Variants in DLGAP2 observed in about 807,000 individuals in gnomAD.
The protein encoded by DLGAP2 is DLG associated protein 2.
Under a neutral mutation model 100.3 loss-of-function variants are expected in DLGAP2, and 26 were observed. The observed-to-expected ratio is 0.26, with a 90% confidence interval of 0.19 to 0.36. The LOEUF (loss-of-function observed/expected upper bound fraction) is 0.36, where lower values mean the gene tolerates loss of function less well. DLGAP2 is among the 10% of genes least tolerant of loss of function. DLGAP2 has a pLI of 1.00. For synonymous variants in DLGAP2, 886 were observed against 630.1 expected (o/e 1.41, Z -6.08); for missense variants, 1,858 against 1,453.2 (o/e 1.28, Z -4.53).
intron 1 of DLGAP2, among the ~76,000 whole-genome samples, chr8:743,408 T>A (rs1820536066): frequency 1.3e-5 from 2 of 152,182 alleles, no homozygotes; most frequent in Admixed American, 1.3e-4. Context: ...TGAGGGTAGA[T>A]CTTATATTCA....
At chr8:1,188,472 G>C (rs1042522099) in intron 2 of DLGAP2, among the ~76,000 whole-genome samples, 1 of 131,064 alleles carries the variant, frequency 7.6e-6, no homozygotes, top group African/African-American at 3.8e-5. Flanking sequence ...TCGCACGCCC[G>C]GGACTTCCGT....
chr8:1,657,593 T>C (rs996632295), intron 8 of DLGAP2, among the ~76,000 whole-genome samples: 4 of 152,246 alleles, frequency 2.6e-5, no homozygotes, highest in African/African-American at 7.2e-5. Flanking sequence ...TAATGAGCCA[T>C]GTAGAGATTT....
At chr8:1,651,243 G>A (rs1189940425) in intron 8 of DLGAP2, among the ~76,000 whole-genome samples, 2 of 152,224 alleles carry the variant, frequency 1.3e-5, no homozygotes, top group Admixed American at 6.5e-5. Flanking sequence ...TATGTGGCTG[G>A]AAATGTTGAC....
At chr8:1,149,989 T>G (rs1201756640) in intron 2 of DLGAP2, among the ~76,000 whole-genome samples, 1 of 152,244 alleles carries the variant, frequency 6.6e-6, no homozygotes, top group South Asian at 2.1e-4. Context: ...GTATGTATGT[T>G]TAAGGTCAGT....
intron 2 of DLGAP2, among the ~76,000 whole-genome samples, chr8:970,773 C>T (rs1197410924): frequency 2.0e-5 from 3 of 152,128 alleles, no homozygotes; most frequent in Non-Finnish European, 4.4e-5. Flanking sequence ...ACTTGAGCTG[C>T]ACAAAGCTTC....
intron 2 of DLGAP2, among the ~76,000 whole-genome samples, chr8:988,441 T>C (rs1229020695): frequency 6.6e-6 from 1 of 152,214 alleles, no homozygotes; most frequent in African/African-American, 2.4e-5. Context: ...TCATTTCCTT[T>C]GGTATTCATT....
At chr8:1,185,254 G>T (rs1400895799) in intron 2 of DLGAP2, among the ~76,000 whole-genome samples, 1 of 152,068 alleles carries the variant, frequency 6.6e-6, no homozygotes, top group Non-Finnish European at 1.5e-5. Context: ...ATATAATGGG[G>T]GCTCTGAGAG....
At chr8:1,581,333 G>C (rs1291712801) in intron 6 of DLGAP2, among the ~76,000 whole-genome samples, 1 of 149,122 alleles carries the variant, frequency 6.7e-6, no homozygotes, top group African/African-American at 2.5e-5. Flanking sequence ...TACCAGAAGA[G>C]AAGGATACAG....
intron 3 of DLGAP2, among the ~76,000 whole-genome samples, chr8:1,479,359 G>T (rs1799026088): frequency 2.0e-5 from 3 of 152,360 alleles, no homozygotes; most frequent in African/African-American, 7.2e-5. Flanking sequence ...GGCACTCTGG[G>T]GACGAAAGTG....
At chr8:1,517,079 G>A (rs1800418126) in intron 4 of DLGAP2, among the ~76,000 whole-genome samples, 1 of 152,146 alleles carries the variant, frequency 6.6e-6, no homozygotes, top group Admixed American at 6.5e-5. Context: ...ACCCCATCTT[G>A]AAGGCCGCAG....
chr8:893,369 A>G (rs1179283405), intron 1 of DLGAP2, among the ~76,000 whole-genome samples: 5 of 152,206 alleles, frequency 3.3e-5, no homozygotes, highest in African/African-American at 7.2e-5. Flanking sequence ...AGGATGACCA[A>G]TTCGATGAGG....
At chr8:904,376 C>G (rs1224293232) in intron 1 of DLGAP2, among the ~76,000 whole-genome samples, 1 of 152,238 alleles carries the variant, frequency 6.6e-6, no homozygotes, top group Non-Finnish European at 1.5e-5. Flanking sequence ...AAAAATTAGC[C>G]AGGCGTGGTG....
intron 2 of DLGAP2, among the ~76,000 whole-genome samples, chr8:1,195,545 G>A (rs1349403523): frequency 6.6e-6 from 1 of 152,108 alleles, no homozygotes; most frequent in Non-Finnish European, 1.5e-5. Flanking sequence ...CAATTACTTG[G>A]TACCTTCCTA....
At chr8:1,125,534 ACAACT>A (rs1231646694) in intron 2 of DLGAP2, among the ~76,000 whole-genome samples, 2 of 152,216 alleles carry the variant, frequency 1.3e-5, no homozygotes, top group African/African-American at 2.4e-5. Flanking sequence ...GCAGATGAAA[ACAACT>A]CAACTCTTAA....
intron 3 of DLGAP2, chr8:1,259,676 T>A (rs766225304): frequency 4.6e-5 from 7 of 152,088 alleles, no homozygotes; most frequent in Admixed American, 1.3e-4. Context: ...CAGGGAGAGA[T>A]GGGGAGAGAT....
chr8:1,030,922 A>G (rs796231872), intron 2 of DLGAP2, among the ~76,000 whole-genome samples: 3 of 152,124 alleles, frequency 2.0e-5, no homozygotes, highest in African/African-American at 7.2e-5. Context: ...AGAAGGGCGC[A>G]AGGTCGGTGC....
intron 2 of DLGAP2, among the ~76,000 whole-genome samples, chr8:1,123,671 C>G (rs183056987): frequency 6.6e-6 from 1 of 152,268 alleles, no homozygotes; most frequent in East Asian, 1.9e-4. Context: ...TGCACAACCT[C>G]TTTTTCTCTT....
chr8:1,494,892 C>A (rs1361374301), intron 3 of DLGAP2, among the ~76,000 whole-genome samples: 2 of 152,176 alleles, frequency 1.3e-5, no homozygotes, highest in Non-Finnish European at 2.9e-5. Flanking sequence ...AACTTAACTT[C>A]CCCAGGCGTC....
chr8:1,121,528 C>T (rs1004890438), intron 2 of DLGAP2, among the ~76,000 whole-genome samples: 2 of 152,066 alleles, frequency 1.3e-5, no homozygotes, highest in Non-Finnish European at 2.9e-5. Context: ...TACCACCTAT[C>T]CTTGTTCCTT....
Sources: allele counts gnomAD v4.1 joint callset (sites outside exome capture counted in the v4.1 genomes callset), GRCh38; gene constraint gnomAD v4.1.1; transcripts MANE v1.5; gene names NCBI Gene and HGNC (gene_info 2026-07-23, HGNC 2026-07-21).